Variants in FBXO25 observed in about 807,000 individuals in gnomAD.
FBXO25 encodes the protein F-box only protein 25.
A neutral mutation model predicts 51.9 loss-of-function variants in FBXO25; 45 were observed. The ratio of observed to expected loss-of-function variants is 0.87; its 90% CI spans 0.68 to 1.11. The LOEUF (loss-of-function observed/expected upper bound fraction) is 1.11, where lower values mean the gene tolerates loss of function less well. FBXO25 is among the 50% of genes most tolerant of loss of function. FBXO25 has a pLI of 0.00. For synonymous variants in FBXO25, 199 were observed against 151.0 expected (o/e 1.32, Z -2.33); for missense variants, 507 against 428.5 (o/e 1.18, Z -1.62).
intron 9 of FBXO25, among the ~76,000 whole-genome samples, chr8:465,262 A>C (rs1800078873): frequency 6.6e-6 from 1 of 152,182 alleles, no homozygotes. Flanking sequence ...CACTGAAAAC[A>C]TGTGACTGTG....
chr8:407,765 C>T (rs1394673785), intron 1 of FBXO25, among the ~76,000 whole-genome samples: 1 of 152,158 alleles, frequency 6.6e-6, no homozygotes, highest in African/African-American at 2.4e-5. Context: ...TGGTCTGTGG[C>T]TCTGGCTCTG....
At chr8:445,133 T>G (rs1455249874) in intron 5 of FBXO25, among the ~76,000 whole-genome samples, 1 of 152,244 alleles carries the variant, frequency 6.6e-6, no homozygotes, top group African/African-American at 2.4e-5. Flanking sequence ...TCTTGTCAAC[T>G]GTGAACACGG....
chr8:457,710 C>G (rs552809574), intron 7 of FBXO25, among the ~76,000 whole-genome samples: 2 of 152,334 alleles, frequency 1.3e-5, no homozygotes, highest in East Asian at 1.9e-4. Flanking sequence ...AGGATTATGA[C>G]TTGAGGTGAT....
chr8:434,074 G>A (rs1300759276), intron 4 of FBXO25, among the ~76,000 whole-genome samples: 1 of 152,222 alleles, frequency 6.6e-6, no homozygotes, highest in African/African-American at 2.4e-5. Flanking sequence ...TTGTGAGGCT[G>A]TGGGGATGCT....
intron 2 of FBXO25, among the ~76,000 whole-genome samples, chr8:426,229 C>G (rs1336715321): frequency 6.6e-6 from 1 of 152,164 alleles, no homozygotes; most frequent in Admixed American, 6.6e-5. Context: ...TCCCTCAGCT[C>G]CTGGTCACTG....
chr8:467,864 G>A (rs1055272812), intron 9 of FBXO25: 6 of 1,585,268 alleles, frequency 3.8e-6, no homozygotes, highest in Non-Finnish European at 5.2e-6. Context: ...GCTGACTTGA[G>A]CTTTCTCAGG....
At chr8:465,826 T>C (rs1800119406) in intron 9 of FBXO25, among the ~76,000 whole-genome samples, 1 of 152,236 alleles carries the variant, frequency 6.6e-6, no homozygotes, top group South Asian at 2.1e-4. Context: ...TATAAGAATA[T>C]GCTGCCTTAG....
intron 2 of FBXO25, among the ~76,000 whole-genome samples, chr8:416,705 G>A (rs1036650689): frequency 6.6e-6 from 1 of 152,132 alleles, no homozygotes; most frequent in African/African-American, 2.4e-5. Context: ...ACTTAGAGAT[G>A]TCTCTGGTCT....
intron 6 of FBXO25, among the ~76,000 whole-genome samples, chr8:450,560 G>C (rs1397051906): frequency 6.6e-6 from 1 of 152,074 alleles, no homozygotes; most frequent in African/African-American, 2.4e-5. Context: ...CTATATTTAA[G>C]CCATTTTAAA....
intron 5 of FBXO25, among the ~76,000 whole-genome samples, chr8:446,304 G>C (rs1268794052): frequency 2.0e-5 from 3 of 152,048 alleles, no homozygotes; most frequent in Non-Finnish European, 4.4e-5. Flanking sequence ...TGAGAAACAG[G>C]CATGTGTAAC....
At chr8:457,568 G>A (rs1244517933) in intron 7 of FBXO25, among the ~76,000 whole-genome samples, 1 of 152,218 alleles carries the variant, frequency 6.6e-6, no homozygotes, top group Non-Finnish European at 1.5e-5. Context: ...GAGGGTGAAA[G>A]GTTTCTGTAG....
chr8:408,699 C>T (rs1170628560), intron 1 of FBXO25, among the ~76,000 whole-genome samples: 2 of 152,258 alleles, frequency 1.3e-5, no homozygotes, highest in Admixed American at 6.5e-5. Flanking sequence ...GTCTCTCATG[C>T]CAAGAGTTTC....
In FBXO25 at chr8:476,262, T is replaced by G. The variant is rs1400877066; in HGVS notation, c.*7458T>G. The G allele has an allele frequency of 1.3e-5, 2 of 152,202 alleles. No individual in the cohort carries two copies. The highest frequency in any genetic ancestry group is 2.4e-5 in the African/African-American group (1 of 41,452). The allele number at this position is 152,202 out of a possible 1,614,324, so 9.4% of individuals were successfully genotyped here. On this transcript the variant is annotated 3_prime_UTR_variant, in exon 10 of 10. Transcript: ENST00000350302. ...CCTTTCAATGTCCCACTGAATCCTG[T>G]TGGCCAGTATTTTGTTGAATATTGA...
In FBXO25 at chr8:451,273, T is replaced by C. The variant is rs1799069023; in HGVS notation, c.480T>C (p.Leu160=). The part of the protein sequence containing the change: ...NILDKIVQKV[L]DDHHNPRLIK... ...TTTTATTTTTATTTATTCCAGTTCT[T>C]GATGACCACCACAATCCTCGCTTAA... Residue 160 remains leucine (L), a synonymous_variant, in exon 7 of 10, where the codon CTT becomes CTC. Coordinates refer to ENST00000350302, the MANE Select transcript of FBXO25 (RefSeq NM_183420.2). The C allele has an allele frequency of 1.3e-6, 2 of 1,593,752 alleles. No homozygotes were observed. Among genetic ancestry groups the C allele is most frequent in the East Asian group, 2.2e-5 (1 of 44,722 alleles).
rs894783590 is a variant in FBXO25 at position 477,180 on chromosome 8, G to A, written c.*8376G>A. The A allele has an allele frequency of 1.3e-5, 2 of 152,138 alleles. No individual in the cohort carries two copies. The highest frequency in any genetic ancestry group is 2.4e-5 in the African/African-American group (1 of 41,430). 9.4% of individuals were successfully genotyped at this position (152,138 alleles called of 1,614,324 possible). A position where few individuals can be genotyped will look rare whatever the true frequency, so the allele number is the denominator to read the frequency against. ...TTTCCTCAGTCTTTTGAAATTTGTTGACTTGTTTAGTCATCTAACATACTG... is the reference window on the plus strand; with the variant it reads ...TTTCCTCAGTCTTTTGAAATTTGTTAACTTGTTTAGTCATCTAACATACTG... On this transcript the variant is annotated 3_prime_UTR_variant, in exon 10 of 10. Transcript: ENST00000350302.
intron 9 of FBXO25, chr8:467,817 G>A (rs1389066647): frequency 5.0e-6 from 8 of 1,603,488 alleles, no homozygotes; most frequent in Middle Eastern, 3.3e-4. Context: ...TCTCATGCAC[G>A]TCATCTTGGC....
intron 2 of FBXO25, among the ~76,000 whole-genome samples, chr8:414,104 G>A (rs1207540289): frequency 1.3e-5 from 2 of 152,278 alleles, no homozygotes; most frequent in African/African-American, 4.8e-5. Context: ...GTAACTTTAG[G>A]CCAGAGACTG....
intron 1 of FBXO25, among the ~76,000 whole-genome samples, chr8:409,584 A>C (rs2117388016): frequency 6.6e-6 from 1 of 152,334 alleles, no homozygotes; most frequent in South Asian, 2.1e-4. Context: ...CTAGAAGATA[A>C]GTGTATTAAA....
chr8:414,493 G>A (rs116916919), intron 2 of FBXO25, among the ~76,000 whole-genome samples: 9,526 of 152,192 alleles, frequency 0.063, 324 homozygotes, highest in Middle Eastern at 0.082. Flanking sequence ...TGCTTGAAGT[G>A]CAGTGTTACT....
Sources: allele counts gnomAD v4.1 joint callset (sites outside exome capture counted in the v4.1 genomes callset), GRCh38; gene constraint gnomAD v4.1.1; transcripts MANE v1.5; gene names NCBI Gene and HGNC (gene_info 2026-07-23, HGNC 2026-07-21).